Variants in CHRM2 observed in about 807,000 individuals in gnomAD.
CHRM2 encodes the protein cholinergic receptor muscarinic 2.
In CHRM2, 8 loss-of-function variants were observed where a neutral mutation model predicts 25.0. The observed-to-expected ratio is 0.32, with a 90% confidence interval of 0.19 to 0.58. The LOEUF (loss-of-function observed/expected upper bound fraction) is 0.58, where lower values mean the gene tolerates loss of function less well. CHRM2 is among the 20% of genes least tolerant of loss of function. The pLI, the probability that CHRM2 is intolerant of heterozygous loss-of-function variation, is 0.88. For synonymous variants in CHRM2, 202 were observed against 205.7 expected, an observed-to-expected ratio of 0.98 and a Z score of 0.15; for missense variants, 440 against 567.1, an observed-to-expected ratio of 0.78 and a Z score of 2.28.
At chr7:136,999,215 A>G (rs531665048) in intron 3 of CHRM2, among the ~76,000 whole-genome samples, 11 of 152,214 alleles carry the variant, frequency 7.2e-5, no homozygotes, top group Non-Finnish European at 1.2e-4. Flanking sequence ...TCTTTCAAAA[A>G]TGTACCATCG....
At position 137,019,391 on chromosome 7, in the gene CHRM2, T is replaced by A. The variant is rs1480019701; in HGVS notation, c.*3125T>A. 6.6e-6 allele frequency: 1 copy of A among 151,896 alleles called. No individual in the cohort carries two copies. The highest frequency in any genetic ancestry group is 1.5e-5 in the Non-Finnish European group (1 of 67,898). 9.4% of individuals were successfully genotyped at this position (151,896 alleles called of 1,614,324 possible). On this transcript the variant is annotated 3_prime_UTR_variant, in exon 4 of 4. Coordinates refer to ENST00000680005, the MANE Select transcript of CHRM2 (RefSeq NM_001006630.2). The stretch of plus-strand genomic sequence containing the variant: ...CAGCATCTTAATGTTCAATTATGAT[T>A]GCCACAGATCTAGTCAATTGAGGTT...
chr7:137,003,513 CACACACACACACACACACACACACTA>C (rs1804207477), intron 3 of CHRM2, among the ~76,000 whole-genome samples: 1 of 146,200 alleles, frequency 6.8e-6, no homozygotes, highest in African/African-American at 2.6e-5. Context: ...CACACACACA[CACACACACACACACACACACACACTA>C]GTTAGGTGAA....
chr7:136,910,800 AGTGTGTGT>A (rs71533718), intron 2 of CHRM2, among the ~76,000 whole-genome samples: 6 of 145,768 alleles, frequency 4.1e-5, no homozygotes, highest in African/African-American at 5.1e-5. Context: ...TTTAAAATTA[AGTGTGTGT>A]GTGTGTGTGT....
rs375796898 is a variant in CHRM2, at chr7:137,014,928, T to G, written c.63T>G (p.Phe21Leu). 2.5e-6 allele frequency: 4 copies of G among 1,613,164 alleles called. No homozygotes were observed. The African/African-American group carries it at 5.3e-5, about 22-fold the overall frequency. ...SLALTSPYKT[F>L]EVVFIVLVAG... ...CTCTTACAAGTCCTTATAAGACATT[T>G]GAAGTGGTGTTTATTGTCCTGGTGG... The change falls in exon 4 of 4, where the codon TTT becomes TTG. Residue 21 changes from phenylalanine (F) to leucine (L), a missense_variant. Coordinates refer to ENST00000680005, the MANE Select transcript of CHRM2 (RefSeq NM_001006630.2).
chr7:136,937,570 T>C (rs1423627215), intron 2 of CHRM2, among the ~76,000 whole-genome samples: 1 of 152,168 alleles, frequency 6.6e-6, no homozygotes, highest in African/African-American at 2.4e-5. Flanking sequence ...CAGAGCAGTT[T>C]GAATTGATAT....
chr7:136,925,725 CTT>C (rs1798709389), intron 2 of CHRM2, among the ~76,000 whole-genome samples: 1 of 152,164 alleles, frequency 6.6e-6, no homozygotes, highest in African/African-American at 2.4e-5. Context: ...TAAAACAGCT[CTT>C]GACTCACTTT....
chr7:136,872,285 G>A (rs1284473399), intron 2 of CHRM2, among the ~76,000 whole-genome samples: 1 of 152,150 alleles, frequency 6.6e-6, no homozygotes, highest in Non-Finnish European at 1.5e-5. Flanking sequence ...CCAGTAAAAG[G>A]GAACCCAAAG....
At position 137,015,878 on chromosome 7, in the gene CHRM2, C is replaced by T. The variant is rs1233320478; in HGVS notation, c.1013C>T (p.Thr338Ile). The change falls in exon 4 of 4, where the codon ACC becomes ATC. Residue 338 changes from threonine (T) to isoleucine (I), a missense_variant. Thr to Ile is a moderately conservative substitution (Grantham distance 89, BLOSUM62 -1). Transcript: ENST00000680005. The surrounding 1 kb of genome is among the most constrained non-coding windows in gnomAD (Gnocchi z 5.1). ...GTKTPKSDSC[T>I]PTNTTVEVVG... ...AAGACCCCAAAAAGTGACTCATGTA[C>T]CCCAACTAATACCACCGTGGAGGTA... 4.3e-6 allele frequency: 7 copies of T among 1,613,112 alleles called. No homozygotes were observed. Among genetic ancestry groups the T allele is most frequent in the East Asian group, 2.2e-5 (1 of 44,766 alleles).
intron 2 of CHRM2, among the ~76,000 whole-genome samples, chr7:136,880,133 C>G (rs1359601722): frequency 6.6e-6 from 1 of 151,100 alleles, no homozygotes; most frequent in Non-Finnish European, 1.5e-5. Context: ...TTGTTACATT[C>G]TCTGGTCCGG....
intron 2 of CHRM2, among the ~76,000 whole-genome samples, chr7:136,961,178 G>C (rs767712498): frequency 4.0e-5 from 6 of 151,842 alleles, no homozygotes; most frequent in Non-Finnish European, 8.8e-5. Context: ...CATACTTCAA[G>C]GACCCATAAA....
intron 3 of CHRM2, among the ~76,000 whole-genome samples, chr7:137,012,280 A>G (rs947935825): frequency 6.6e-6 from 1 of 152,064 alleles, no homozygotes; most frequent in African/African-American, 2.4e-5. Context: ...GCTATTAAGA[A>G]ATTGTTGGAA....
At chr7:136,956,084 G>T (rs1800707199) in intron 2 of CHRM2, among the ~76,000 whole-genome samples, 2 of 152,108 alleles carry the variant, frequency 1.3e-5, no homozygotes, top group Non-Finnish European at 2.9e-5. Flanking sequence ...TCACTCTGAT[G>T]TATATTTTTA....
Position 137,016,526 on chromosome 7 carries a change from C to G in CHRM2, c.*260C>G. The G allele has an allele frequency of 2.2e-6, 1 of 460,862 alleles. No homozygotes were observed. 28.5% of individuals were successfully genotyped at this position (460,862 alleles called of 1,614,324 possible). On this transcript the variant is annotated 3_prime_UTR_variant, in exon 4 of 4. Transcript: ENST00000680005. Reference sequence around the variant, plus strand: ...GATCGTGGATTTAAGAAACTATACACTGTTTCTCATAATCTCTTGAAGAAG... The same window carrying G: ...GATCGTGGATTTAAGAAACTATACAGTGTTTCTCATAATCTCTTGAAGAAG...
At chr7:136,977,867 G>A (rs561084903) in intron 2 of CHRM2, among the ~76,000 whole-genome samples, 6 of 152,124 alleles carry the variant, frequency 3.9e-5, no homozygotes, top group Non-Finnish European at 8.8e-5. Flanking sequence ...TGTATAGCTT[G>A]AGGTCTTACA....
At chr7:136,918,389 A>AGAGCAG (rs1798239588) in intron 2 of CHRM2, among the ~76,000 whole-genome samples, 1 of 152,112 alleles carries the variant, frequency 6.6e-6, no homozygotes, top group South Asian at 2.1e-4. Context: ...TTCATAATAA[A>AGAGCAG]GAGCAGTAAA....
chr7:136,940,712 G>A (rs1010126553), intron 2 of CHRM2, among the ~76,000 whole-genome samples: 1 of 152,084 alleles, frequency 6.6e-6, no homozygotes, highest in African/African-American at 2.4e-5. Context: ...TCCAAACCAC[G>A]AACAAAAGCA....
intron 2 of CHRM2, among the ~76,000 whole-genome samples, chr7:136,904,805 C>G (rs1797441969): frequency 6.6e-6 from 1 of 151,922 alleles, no homozygotes; most frequent in Non-Finnish European, 1.5e-5. Context: ...TGCTGCTTTT[C>G]AGTCTTTTGG....
intron 2 of CHRM2, among the ~76,000 whole-genome samples, chr7:136,923,820 G>A (rs1798585709): frequency 6.6e-6 from 1 of 152,016 alleles, no homozygotes; most frequent in African/African-American, 2.4e-5. Flanking sequence ...TCCAGCCTGG[G>A]CAACCAGGCA....
At chr7:136,930,488 A>T (rs1799001704) in intron 2 of CHRM2, among the ~76,000 whole-genome samples, 1 of 152,188 alleles carries the variant, frequency 6.6e-6, no homozygotes, top group South Asian at 2.1e-4. Flanking sequence ...ACAATCATTA[A>T]ATTAAAATTT....
Sources: gnomAD v4.1 joint callset for allele counts (sites outside exome capture counted in the v4.1 genomes callset) on GRCh38, gnomAD v4.1.1 for gene constraint, Gnocchi (gnomAD v3.1) non-coding constraint, MANE v1.5 for transcripts, NCBI Gene and HGNC (gene_info 2026-07-23, HGNC 2026-07-21) for gene names.